The following LAMA4 variants were observed in gnomAD, a reference collection of about 807,000 sequenced individuals.
LAMA4 encodes laminin subunit alpha-4.
LAMA4 carries 127 observed loss-of-function variants against 207.1 expected under a neutral mutation model. That is an observed-to-expected ratio of 0.61 (90% CI 0.53 to 0.71). LAMA4 has a LOEUF of 0.71. LAMA4 is among the 30% of genes least tolerant of loss of function. The probability of loss-of-function intolerance (pLI) is 0.00; values close to 1 mark genes in which losing one functional copy is unlikely to be tolerated. For missense variants in LAMA4, 2,093 were observed against 2,246.5 expected (o/e 0.93, Z 1.38); for synonymous variants, 761 against 816.0 (o/e 0.93, Z 1.15).
At chr6:112,123,617 T>A (rs1554326716) in intron 31 of LAMA4, among the ~76,000 whole-genome samples, 3 of 152,192 alleles carry the variant, frequency 2.0e-5, no homozygotes, top group African/African-American at 7.2e-5. Context: ...AATCTAGATC[T>A]GATTTTGGGC....
rs1380165832 is a variant in LAMA4, at chr6:112,254,097, G to C, written c.54C>G (p.Ser18Arg). ...CGGACGCGGCGCGGGAGCAGGCAGC[G>C]CTCCAGAGGAGCCACAGAGGCAGAA... ...RSVLPLWLLW[S>R]AACSRAASGD... Residue 18 changes from serine (S) to arginine (R), a missense_variant, in exon 2 of 39, where the codon AGC (serine) becomes AGG (arginine). By Grantham distance (110) the Ser-to-Arg change is moderately radical. Coordinates refer to ENST00000230538, the MANE Select transcript of LAMA4 (RefSeq NM_001105206.3). 6.2e-6 allele frequency: 10 copies of C among 1,612,462 alleles called. No individual in the cohort carries two copies. Among genetic ancestry groups the C allele is most frequent in the Middle Eastern group, 1.6e-4 (1 of 6,080 alleles).
At chr6:112,156,650 T>C (rs1780732272) in intron 14 of LAMA4, among the ~76,000 whole-genome samples, 1 of 152,152 alleles carries the variant, frequency 6.6e-6, no homozygotes, top group Non-Finnish European at 1.5e-5. Context: ...CGATGATTAG[T>C]ATCATCACCT....
chr6:112,150,202 GACAC>G (rs68144829), intron 17 of LAMA4, among the ~76,000 whole-genome samples: 4,793 of 143,404 alleles, frequency 0.033, 123 homozygotes, highest in Non-Finnish European at 0.052. Context: ...CCCATTAAAA[GACAC>G]ACACACACAC....
intron 2 of LAMA4, among the ~76,000 whole-genome samples, chr6:112,229,750 C>T (rs538875198): frequency 6.6e-5 from 10 of 152,274 alleles, no homozygotes; most frequent in South Asian, 2.1e-4. Flanking sequence ...GATTTCACTC[C>T]GCGTATCATA....
Position 112,233,773 on chromosome 6 carries a change from A to G in LAMA4, c.196-17304T>C, listed in dbSNP as rs77514752. Reference sequence around the variant, plus strand: ...TTCTGTCTGTTGTTTCATTGCTTCAAGCAGGCATCTTTCACTCCTGGTAAT... The same window carrying G: ...TTCTGTCTGTTGTTTCATTGCTTCAGGCAGGCATCTTTCACTCCTGGTAAT... On this transcript the variant is annotated intron_variant, in intron 2 of 38. Coordinates refer to ENST00000230538, the MANE Select transcript of LAMA4 (RefSeq NM_001105206.3). 3.0e-3 allele frequency among the ~76,000 whole-genome samples: 462 copies of G among 152,356 alleles called. 4 individuals are homozygous for G. The highest frequency in any genetic ancestry group is 0.011 in the African/African-American group (447 of 41,582).
Position 112,175,319 on chromosome 6 carries a change from A to G in LAMA4, c.1351T>C (p.Tyr451His). ...ATGAGAGGAATACACCTACGTTCGT[A>G]AGCCTCATCTGCCTCCTCATCCACG... ...ELVDEEADEA[Y>H]ELLSQAESWQ... is the part of the protein sequence containing the mutation. The change falls in exon 11 of 39, where the codon TAC becomes CAC. Residue 451 changes from tyrosine (Y) to histidine (H), a missense_variant. By Grantham distance (83) the Tyr-to-His change is moderately conservative. Coordinates refer to ENST00000230538, the MANE Select transcript of LAMA4 (RefSeq NM_001105206.3). 6.2e-7 allele frequency: 1 copy of G among 1,614,002 alleles called. No homozygotes were observed. Among genetic ancestry groups the G allele is most frequent in the South Asian group, 1.1e-5 (1 of 91,074 alleles).
intron 2 of LAMA4, among the ~76,000 whole-genome samples, chr6:112,233,025 C>T (rs1785662305): frequency 6.6e-6 from 1 of 152,150 alleles, no homozygotes; most frequent in Non-Finnish European, 1.5e-5. Flanking sequence ...AGACCTTCTC[C>T]ATGAAAGTGC....
rs1477052191 is a variant in LAMA4 at position 112,109,307 on chromosome 6, T to C, written c.*130A>G. The C allele has an allele frequency of 1.5e-5, 14 of 956,944 alleles. No homozygotes were observed. The highest frequency in any genetic ancestry group is 2.1e-5 in the Non-Finnish European group (13 of 615,624). 59.3% of individuals were successfully genotyped at this position (956,944 alleles called of 1,614,324 possible). ...ATAAGAAATATCCGGTCCCTGATGA[T>C]TCGTTTAAGTCCTGTTCAACTCGAT... On this transcript the variant is annotated 3_prime_UTR_variant, in exon 39 of 39. Transcript: ENST00000230538.
chr6:112,144,804 A>G lies in LAMA4; in HGVS notation c.2483T>C (p.Val828Ala). ...CTTTTCATCAGTTACCTTGCTGGCA[A>G]CACTTCTGGTCTGAGCAATGAGCTC... ...IRELIAQTRS[V>A]ASKIQVSMMF... The change falls in exon 19 of 39, where the codon GTT becomes GCT. Residue 828 changes from valine to alanine, a missense_variant. By Grantham distance (64) the Val-to-Ala change is moderately conservative. This residue lies in a region of LAMA4 where 1,704 missense variants were observed against 1,788.4 expected (regional missense o/e 0.95). Transcript: ENST00000230538. 6.2e-7 allele frequency: 1 copy of G among 1,613,528 alleles called. No homozygotes were observed. Among genetic ancestry groups the G allele is most frequent in the East Asian group, 2.2e-5 (1 of 44,876 alleles).
rs115187122 is a variant in LAMA4, at chr6:112,121,177, C to T, written c.4476-705G>A. ...AATAATACAAATAATATCAGTTGTGCACTATCTAAAACACAGACTAAAATT... is the reference window on the plus strand; with the variant it reads ...AATAATACAAATAATATCAGTTGTGTACTATCTAAAACACAGACTAAAATT... On this transcript the variant is annotated intron_variant, in intron 32 of 38. Transcript: ENST00000230538. Among the ~76,000 whole-genome samples, 1,040 of 152,118 alleles carry T rather than the reference C, an allele frequency of 6.8e-3. 8 individuals carry two copies. Among genetic ancestry groups the T allele is most frequent in the African/African-American group, 0.024 (994 of 41,490 alleles).
chr6:112,139,855 C>A lies in LAMA4; in HGVS notation c.3007G>T (p.Val1003Phe). Residue 1003 changes from valine (V) to phenylalanine (F), a missense_variant, in exon 23 of 39, where the codon GTT becomes TTT. This residue lies in a region of LAMA4 where 1,704 missense variants were observed against 1,788.4 expected (regional missense o/e 0.95). Transcript: ENST00000230538. The stretch of plus-strand genomic sequence containing the variant: ...AAAGTGGCCAGTTCCAGGCAGCCAA[C>A]AAAGCCAGGCAGGTTTAAGCTGGTA... The part of the protein sequence containing the change: ...LPTSLNLPGF[V>F]GCLELATLNN... 1 of 1,614,072 alleles carries A rather than the reference C, an allele frequency of 6.2e-7. No individual in the cohort carries two copies. Among genetic ancestry groups the A allele is most frequent in the South Asian group, 1.1e-5 (1 of 91,076 alleles).
chr6:112,144,544 A>T (rs1303526813), intron 19 of LAMA4, among the ~76,000 whole-genome samples: 3 of 152,166 alleles, frequency 2.0e-5, no homozygotes, highest in African/African-American at 7.2e-5. Flanking sequence ...ATAACCTGGG[A>T]GCTTTAAAGA....
intron 13 of LAMA4, among the ~76,000 whole-genome samples, chr6:112,161,517 A>G (rs1781049766): frequency 2.0e-5 from 3 of 152,200 alleles, no homozygotes; most frequent in Admixed American, 2.0e-4. Context: ...CATTCATTCC[A>G]TCAACAAATA....
chr6:112,236,316 G>C (rs1306810763), intron 2 of LAMA4: 1 of 152,188 alleles, frequency 6.6e-6, no homozygotes, highest in Non-Finnish European at 1.5e-5. Flanking sequence ...AGGAGACTTT[G>C]GGCTTATCAT....
chr6:112,185,157 C>T (rs1012977347), intron 9 of LAMA4, 80 bp downstream of exon 9: 25 of 921,026 alleles, frequency 2.7e-5, no homozygotes, highest in Non-Finnish European at 4.0e-5. Context: ...AAGCCTCAGT[C>T]GTTTGTGACC....
At chr6:112,234,335 C>A (rs2114289990) in intron 2 of LAMA4, 1 of 152,150 alleles carries the variant, frequency 6.6e-6, no homozygotes, top group Admixed American at 6.5e-5. Flanking sequence ...TTTCAATACT[C>A]TACTGTCATC....
chr6:112,201,156 G>A lies in LAMA4; in HGVS notation c.503+452C>T, dbSNP rs189492373. On this transcript the variant is annotated intron_variant, in intron 5 of 38. Coordinates refer to ENST00000230538, the MANE Select transcript of LAMA4 (RefSeq NM_001105206.3). ...ATGGTATAAAGCTGGTATAAAGAATGGGCGAAATAACAGCTTTGTGGGTTG... is the reference window on the plus strand; with the variant it reads ...ATGGTATAAAGCTGGTATAAAGAATAGGCGAAATAACAGCTTTGTGGGTTG... Among the ~76,000 whole-genome samples, 262 of 152,234 alleles carry A rather than the reference G, an allele frequency of 1.7e-3. 2 individuals carry two copies. Among genetic ancestry groups the A allele is most frequent in the Middle Eastern group, 6.8e-3 (2 of 294 alleles).
rs1554334976 is a variant in LAMA4 at position 112,148,231 on chromosome 6, G to T, written c.2279C>A (p.Thr760Asn). Reference protein sequence around the residue: ...QATAPMANNLTNWSQNLQHFD... With the variant: ...QATAPMANNLNNWSQNLQHFD... ...ATGTTGAAGATTCTGTGACCAGTTGGTTAGATTGTTGGCCATGGGGGCAGT... is the reference window on the plus strand; with the variant it reads ...ATGTTGAAGATTCTGTGACCAGTTGTTTAGATTGTTGGCCATGGGGGCAGT... The change falls in exon 18 of 39, where the codon ACC becomes AAC. Residue 760 changes from threonine (T) to asparagine (N), a missense_variant. Thr to Asn is a moderately conservative substitution (Grantham distance 65, BLOSUM62 0). Coordinates refer to ENST00000230538, the MANE Select transcript of LAMA4 (RefSeq NM_001105206.3). 2 of 1,614,182 alleles carry T rather than the reference G, an allele frequency of 1.2e-6. No individual in the cohort carries two copies. The highest frequency in any genetic ancestry group is 1.7e-6 in the Non-Finnish European group (2 of 1,180,016).
intron 5 of LAMA4, among the ~76,000 whole-genome samples, chr6:112,196,205 T>C (rs1016459392): frequency 1.3e-5 from 2 of 152,162 alleles, no homozygotes; most frequent in Non-Finnish European, 2.9e-5. Context: ...TTCTAGCTTT[T>C]TGAAAACAGA....
Sources: gnomAD v4.1 joint callset for allele counts (sites outside exome capture counted in the v4.1 genomes callset) on GRCh38, gnomAD v4.1.1 for gene constraint, gnomAD v4.1.1 regional missense constraint, MANE v1.5 for transcripts, NCBI Gene and HGNC (gene_info 2026-07-23, HGNC 2026-07-21) for gene names.